Variants in SNX29 observed in about 807,000 individuals in gnomAD.
SNX29 encodes sorting nexin-29.
Under a neutral mutation model 102.1 loss-of-function variants are expected in SNX29, and 78 were observed. The observed-to-expected ratio is 0.76, with a 90% CI of 0.64 to 0.92. The LOEUF is 0.92. Ranked by LOEUF, SNX29 falls within the 40% of genes least tolerant of loss-of-function variation. The pLI is 0.00. For synonymous variants in SNX29, 580 were observed against 414.5 expected, an observed-to-expected ratio of 1.40 and a Z score of -4.85; for missense variants, 1,280 against 1,061.7, an observed-to-expected ratio of 1.21 and a Z score of -2.86.
intron 15 of SNX29, among the ~76,000 whole-genome samples, chr16:12,324,753 C>T (rs1289969239): frequency 6.6e-6 from 1 of 152,134 alleles, no homozygotes; most frequent in African/African-American, 2.4e-5. Context: ...GCCATGAACA[C>T]AGCTCAGAGC....
At chr16:12,533,049 G>A (rs1292478321) in intron 20 of SNX29, among the ~76,000 whole-genome samples, 2 of 151,986 alleles carry the variant, frequency 1.3e-5, no homozygotes, top group Non-Finnish European at 2.9e-5. Context: ...GGCAGGAAGG[G>A]GAAACGATGG....
chr16:12,496,529 T>TTTTTG (rs1384093862), intron 19 of SNX29, among the ~76,000 whole-genome samples: 1 of 139,772 alleles, frequency 7.2e-6, no homozygotes, highest in African/African-American at 2.6e-5. Context: ...TTTTTTTTTT[T>TTTTTG]AAACCTAGTC....
chr16:12,141,597 G>A (rs1381835611), intron 13 of SNX29, among the ~76,000 whole-genome samples: 2 of 152,196 alleles, frequency 1.3e-5, no homozygotes, highest in African/African-American at 2.4e-5. Context: ...TTCCAGGCTC[G>A]GGGCAGGATT....
chr16:12,249,600 C>G lies in SNX29; in HGVS notation c.1679-28333C>G, dbSNP rs150673873. On this transcript the variant is annotated intron_variant, in intron 14 of 20. Transcript: ENST00000566228. The stretch of plus-strand genomic sequence containing the variant: ...AGATTGTAGAACCAGCCTGCCGGGT[C>G]TGAATCTTCATGTAACCACTCTCTA... Among the ~76,000 whole-genome samples the G allele has an allele frequency of 3.7e-3, 560 of 152,344 alleles. 4 individuals carry two copies. The highest frequency in any genetic ancestry group is 0.013 in the African/African-American group (533 of 41,582).
Position 12,052,110 on chromosome 16 carries a change from C to A in SNX29, c.1012C>A (p.Gln338Lys), listed in dbSNP as rs777460810. ...SLSLNGEFGYQKLDVKSIDDE... is the reference protein window; with the variant it reads ...SLSLNGEFGYKKLDVKSIDDE... ...GTCTTTGAACGGGGAGTTTGGGTAC[C>A]AGAAGCTTGATGTGAAAAGCATCGA... The change falls in exon 8 of 21, where the codon CAG becomes AAG. Residue 338 changes from glutamine (Q) to lysine (K), a missense_variant. By Grantham distance (53) the Gln-to-Lys change is moderately conservative (BLOSUM62 1). Transcript: ENST00000566228. The A allele has an allele frequency of 6.2e-7, 1 of 1,613,848 alleles. No homozygotes were observed.
Position 12,046,442 on chromosome 16 carries a change from A to G in SNX29, c.487A>G (p.Thr163Ala). The change falls in exon 6 of 21, where the codon ACC (threonine) becomes GCC (alanine). Residue 163 changes from threonine (T) to alanine (A), a missense_variant. Thr to Ala is a moderately conservative substitution (Grantham distance 58). Transcript: ENST00000566228. The stretch of plus-strand genomic sequence containing the variant: ...TGAAGAAAGGTCCAGTATGCTTCCT[A>G]CCATGGCAGCAGGTAAGCCTGGCCC... The part of the protein sequence containing the change: ...MDEERSSMLP[T>A]MAAGLNSILF... 1.2e-6 allele frequency: 2 copies of G among 1,613,798 alleles called. No homozygotes were observed. Among genetic ancestry groups the G allele is most frequent in the Non-Finnish European group, 1.7e-6 (2 of 1,179,758 alleles).
chr16:12,062,037 C>T (rs979942858), intron 9 of SNX29, among the ~76,000 whole-genome samples: 3 of 152,132 alleles, frequency 2.0e-5, no homozygotes, highest in Non-Finnish European at 4.4e-5. Context: ...AAAGGCCCTG[C>T]CACCCTGTGC....
chr16:12,549,709 C>T (rs1458359445), intron 20 of SNX29, among the ~76,000 whole-genome samples: 4 of 152,198 alleles, frequency 2.6e-5, no homozygotes, highest in South Asian at 2.1e-4. Flanking sequence ...TGCTTGGGGC[C>T]AGGAGAGTCA....
In SNX29 at chr16:12,568,528, C is replaced by A. The variant is rs200511408; in HGVS notation, c.2341C>A (p.Pro781Thr). ...CAGCGACATCACCCCGCCCGGAGAGCCTGTGAACAGCCGGCCCAAAGCAGC... is the reference window on the plus strand; with the variant it reads ...CAGCGACATCACCCCGCCCGGAGAGACTGTGAACAGCCGGCCCAAAGCAGC... ...FFVDITPPGE[P>T]VNSRPKAASR... The change falls in exon 21 of 21, where the codon CCT becomes ACT. Residue 781 changes from proline to threonine, a missense_variant. Pro to Thr is a conservative substitution (Grantham distance 38, BLOSUM62 -1). Transcript: ENST00000566228. 209 of 1,609,888 alleles carry A rather than the reference C, an allele frequency of 1.3e-4. No homozygotes were observed. The highest frequency in any genetic ancestry group is 1.6e-4 in the Middle Eastern group (1 of 6,084).
chr16:12,046,885 T>C (rs1019864721), intron 6 of SNX29, among the ~76,000 whole-genome samples: 4 of 152,142 alleles, frequency 2.6e-5, no homozygotes, highest in Non-Finnish European at 5.9e-5. Flanking sequence ...TCCCAAAGCA[T>C]TGGGATTGCA....
chr16:12,462,016 T>TATATATACACAC (rs1555544564), intron 18 of SNX29, among the ~76,000 whole-genome samples: 4 of 65,190 alleles, frequency 6.1e-5, no homozygotes, highest in East Asian at 9.0e-4. Flanking sequence ...TATATATGTA[T>TATATATACACAC]ACACACACAC....
rs902640223 is a variant in SNX29, at chr16:12,573,437, G to C, written c.*4808G>C. The C allele has an allele frequency of 2.2e-5, 5 of 223,786 alleles. No individual in the cohort carries two copies. Among genetic ancestry groups the C allele is most frequent in the East Asian group, 1.3e-4 (2 of 15,344 alleles). 13.9% of individuals were successfully genotyped at this position (223,786 alleles called of 1,614,324 possible). A position where few individuals can be genotyped will look rare whatever the true frequency, so the allele number is the denominator to read the frequency against. On this transcript the variant is annotated 3_prime_UTR_variant, in exon 21 of 21. Transcript: ENST00000566228. ...AAAAGAAATCTGGCTTCCTTAATAA[G>C]ATAGTTGAGCCTATGACATTAAGGA...
At chr16:12,064,737 G>A (rs138714246) in intron 9 of SNX29, among the ~76,000 whole-genome samples, 1 of 152,312 alleles carries the variant, frequency 6.6e-6, no homozygotes, top group Admixed American at 6.5e-5. Context: ...GGAGGTGTGG[G>A]GCCGACTGGT....
chr16:12,168,670 C>T (rs1310317961), intron 13 of SNX29, among the ~76,000 whole-genome samples: 1 of 152,240 alleles, frequency 6.6e-6, no homozygotes, highest in Non-Finnish European at 1.5e-5. Context: ...TGCTTCATCT[C>T]TCATCACACA....
chr16:12,355,725 C>T (rs549326687), intron 15 of SNX29, among the ~76,000 whole-genome samples: 2 of 152,052 alleles, frequency 1.3e-5, no homozygotes, highest in African/African-American at 4.8e-5. Flanking sequence ...CAGCAGCTTA[C>T]AGCTGGCCCA....
intron 20 of SNX29, among the ~76,000 whole-genome samples, chr16:12,561,557 G>T (rs1567204858): frequency 6.6e-6 from 1 of 152,074 alleles, no homozygotes; most frequent in African/African-American, 2.4e-5. Flanking sequence ...TCACTGATGA[G>T]CAGTTGAGGC....
chr16:12,542,690 G>T (rs1360804459), intron 20 of SNX29, among the ~76,000 whole-genome samples: 7 of 152,122 alleles, frequency 4.6e-5, no homozygotes, highest in Non-Finnish European at 1.0e-4. Flanking sequence ...GGACTTTGGG[G>T]CCAGGCTGGT....
At chr16:12,312,380 G>A (rs1318082593) in intron 15 of SNX29, among the ~76,000 whole-genome samples, 1 of 152,186 alleles carries the variant, frequency 6.6e-6, no homozygotes. Context: ...TGAAAAACTG[G>A]CAACTGCACT....
At chr16:12,428,497 G>A (rs897508187) in intron 18 of SNX29, among the ~76,000 whole-genome samples, 2 of 152,124 alleles carry the variant, frequency 1.3e-5, no homozygotes, top group African/African-American at 4.8e-5. Flanking sequence ...GGAAAACAAA[G>A]GACTCACATA....
Sources: gnomAD v4.1 joint callset for allele counts (sites outside exome capture counted in the v4.1 genomes callset) on GRCh38, gnomAD v4.1.1 for gene constraint, MANE v1.5 for transcripts, NCBI Gene and HGNC (gene_info 2026-07-23, HGNC 2026-07-21) for gene names.